Variants in CNTN4 observed in about 807,000 individuals in gnomAD.
CNTN4 encodes the protein contactin 4.
CNTN4 carries 77 observed loss-of-function variants against 122.5 expected under a neutral mutation model. The ratio of observed to expected loss-of-function variants is 0.63; its 90% CI spans 0.52 to 0.76. The LOEUF (loss-of-function observed/expected upper bound fraction) is 0.76. Among genes scored for constraint, CNTN4 ranks in the 30% least tolerant of loss-of-function variants. The pLI is 0.00. For missense variants in CNTN4, 1,256 were observed against 1,259.1 expected, an observed-to-expected ratio of 1.00 and a Z score of 0.04; for synonymous variants, 512 against 447.0, an observed-to-expected ratio of 1.15 and a Z score of -1.83.
Position 2,902,874 on chromosome 3 carries a change from A to G in CNTN4, c.1078-2A>G. On this transcript the variant is annotated splice_acceptor_variant, in intron 11 of 24. Transcript: ENST00000418658. LOFTEE classifies it high-confidence loss of function. Reference sequence around the variant, plus strand: ...TTTTTATGTTCCTCTTTTCTTTCACAGGATAGAATTCAAATTGAGCAAGGA... The same window carrying G: ...TTTTTATGTTCCTCTTTTCTTTCACGGGATAGAATTCAAATTGAGCAAGGA... The G allele has an allele frequency of 1.2e-6, 2 of 1,612,738 alleles. No homozygotes were observed. The highest frequency in any genetic ancestry group is 1.7e-6 in the Non-Finnish European group (2 of 1,179,230).
intron 4 of CNTN4, among the ~76,000 whole-genome samples, chr3:2,593,619 G>T (rs763766990): frequency 3.9e-5 from 6 of 152,072 alleles, no homozygotes; most frequent in Non-Finnish European, 5.9e-5. Context: ...ATTTTGGATG[G>T]GCAGATGAAG....
chr3:2,593,697 G>A (rs889795883), intron 4 of CNTN4, among the ~76,000 whole-genome samples: 3 of 151,846 alleles, frequency 2.0e-5, no homozygotes, highest in Admixed American at 6.6e-5. Flanking sequence ...GGAAGAGAAT[G>A]TATATGTTGA....
intron 2 of CNTN4, among the ~76,000 whole-genome samples, chr3:2,111,985 A>G (rs2032995140): frequency 6.6e-6 from 1 of 152,168 alleles, no homozygotes; most frequent in African/African-American, 2.4e-5. Context: ...TCTATGGGAT[A>G]GACAATGCAA....
chr3:2,301,133 A>G (rs1240034991), intron 2 of CNTN4, among the ~76,000 whole-genome samples: 5 of 152,228 alleles, frequency 3.3e-5, no homozygotes, highest in East Asian at 1.9e-4. Context: ...GTACTGAACA[A>G]TAGCTGTACA....
chr3:2,795,184 G>T (rs186156875), intron 6 of CNTN4, among the ~76,000 whole-genome samples: 1 of 152,098 alleles, frequency 6.6e-6, no homozygotes, highest in Non-Finnish European at 1.5e-5. Flanking sequence ...TAAATAACCC[G>T]AAAAAGTTAC....
At chr3:2,665,148 A>G (rs1049704420) in intron 4 of CNTN4, among the ~76,000 whole-genome samples, 2 of 152,212 alleles carry the variant, frequency 1.3e-5, no homozygotes, top group Non-Finnish European at 2.9e-5. Context: ...AGACCTTTAT[A>G]TGTCAAAAGA....
intron 4 of CNTN4, among the ~76,000 whole-genome samples, chr3:2,607,320 C>G (rs1286622768): frequency 6.6e-6 from 1 of 152,004 alleles, no homozygotes; most frequent in Non-Finnish European, 1.5e-5. Context: ...TGCATATACA[C>G]AAGAAGACAC....
At chr3:2,918,501 A>G (rs1487310431) in intron 12 of CNTN4, among the ~76,000 whole-genome samples, 2 of 152,148 alleles carry the variant, frequency 1.3e-5, no homozygotes, top group Non-Finnish European at 2.9e-5. Flanking sequence ...AAAGGCGGTT[A>G]GCTGCTAGAG....
chr3:2,227,305 G>A (rs1575123372), intron 2 of CNTN4, among the ~76,000 whole-genome samples: 1 of 152,252 alleles, frequency 6.6e-6, no homozygotes, highest in Middle Eastern at 3.4e-3. Flanking sequence ...GATTAGGAAT[G>A]CTAGGTAAAT....
At chr3:2,478,626 C>G (rs563924622) in intron 3 of CNTN4, among the ~76,000 whole-genome samples, 12 of 152,226 alleles carry the variant, frequency 7.9e-5, no homozygotes, top group African/African-American at 2.9e-4. Flanking sequence ...TTGTTCCCCA[C>G]CATGTGTCCC....
In CNTN4 at chr3:2,455,946, T is replaced by A. The variant is rs537624543; in HGVS notation, c.-88-115470T>A. Among the ~76,000 whole-genome samples, 73 of 152,254 alleles carry A rather than the reference T, an allele frequency of 4.8e-4. 1 individual carries two copies. In the South Asian group the frequency reaches 0.013, roughly 28 times the overall value. On this transcript the variant is annotated intron_variant, in intron 3 of 24. Transcript: ENST00000418658. ...AGGGTTAATATTCAAATATATTAAA[T>A]TCAAATTGAATTTGTTCCTAGTAAG...
intron 4 of CNTN4, among the ~76,000 whole-genome samples, chr3:2,618,190 A>T (rs1559310549): frequency 6.6e-6 from 1 of 152,150 alleles, no homozygotes; most frequent in Non-Finnish European, 1.5e-5. Flanking sequence ...GATGGAAAAC[A>T]GTTCTTAGAA....
At position 2,815,844 on chromosome 3, in the gene CNTN4, C is replaced by T. The variant is rs868119755; in HGVS notation, c.359-3642C>T. 4.1e-5 allele frequency among the ~76,000 whole-genome samples: 6 copies of T among 145,448 alleles called. 1 individual carries two copies. In the South Asian group the frequency reaches 6.4e-4, roughly 15 times the overall value. Reference sequence around the variant, plus strand: ...TCGTGGAACCAACACAAGTGCCCATCAATCAATAAGTGGCTAAAGAAACTA... The same window carrying T: ...TCGTGGAACCAACACAAGTGCCCATTAATCAATAAGTGGCTAAAGAAACTA... On this transcript the variant is annotated intron_variant, in intron 6 of 24. Coordinates refer to ENST00000418658, the MANE Select transcript of CNTN4 (RefSeq NM_175607.3).
rs114170112 is a variant in CNTN4, at chr3:2,301,775, G to A, written c.-144-37403G>A. 1.4e-3 allele frequency among the ~76,000 whole-genome samples: 216 copies of A among 152,288 alleles called. 1 individual carries two copies. The highest frequency in any genetic ancestry group is 5.0e-3 in the African/African-American group (208 of 41,564). On this transcript the variant is annotated intron_variant, in intron 2 of 24. Coordinates refer to ENST00000418658, the MANE Select transcript of CNTN4 (RefSeq NM_175607.3). Reference sequence around the variant, plus strand: ...TCAGACTTCAGACCGAATCCACTTCGGACAGAGAAGTCTCCATAAGGTATT... The same window carrying A: ...TCAGACTTCAGACCGAATCCACTTCAGACAGAGAAGTCTCCATAAGGTATT...
intron 3 of CNTN4, among the ~76,000 whole-genome samples, chr3:2,470,472 T>C (rs2075648221): frequency 6.6e-6 from 1 of 152,156 alleles, no homozygotes; most frequent in Non-Finnish European, 1.5e-5. Flanking sequence ...TACTCTTTTT[T>C]TGCTTCCTTA....
chr3:2,108,537 G>A (rs1055871330), intron 2 of CNTN4, among the ~76,000 whole-genome samples: 1 of 152,088 alleles, frequency 6.6e-6, no homozygotes, highest in East Asian at 1.9e-4. Flanking sequence ...CATGCCACTC[G>A]GTGCAATGGA....
chr3:2,858,180 T>G (rs554592400), intron 7 of CNTN4, among the ~76,000 whole-genome samples: 1 of 152,278 alleles, frequency 6.6e-6, no homozygotes, highest in South Asian at 2.1e-4. Context: ...AAACAGTGTT[T>G]CTCAGAGTGT....
intron 2 of CNTN4, among the ~76,000 whole-genome samples, chr3:2,224,089 A>G (rs2039169418): frequency 6.6e-6 from 1 of 152,158 alleles, no homozygotes; most frequent in East Asian, 1.9e-4. Flanking sequence ...TTTTTTACTA[A>G]CGTAGATTTC....
Position 2,962,868 on chromosome 3 carries a change from G to A in CNTN4, c.1359-25477G>A, listed in dbSNP as rs187034258. ...TTTCATCTTCATGTGAAGTGGCTTT[G>A]AGTCCCATCCGTCTTGTTCCTGTGA... On this transcript the variant is annotated intron_variant, in intron 13 of 24. Coordinates refer to ENST00000418658, the MANE Select transcript of CNTN4 (RefSeq NM_175607.3). Among the ~76,000 whole-genome samples the A allele has an allele frequency of 6.6e-5, 10 of 152,304 alleles. No individual in the cohort carries two copies. In the East Asian group the frequency reaches 1.5e-3, roughly 24 times the overall value.
Sources: allele counts gnomAD v4.1 joint callset (sites outside exome capture counted in the v4.1 genomes callset), GRCh38; gene constraint gnomAD v4.1.1; transcripts MANE v1.5; gene names NCBI Gene and HGNC (gene_info 2026-07-23, HGNC 2026-07-21).